The following STK32A variants were observed in gnomAD, a reference collection of about 807,000 sequenced individuals.
STK32A encodes the protein serine/threonine kinase 32A, also known as serine/threonine-protein kinase 32A.
STK32A carries 41 observed loss-of-function variants against 53.2 expected under a neutral mutation model. That is an observed-to-expected ratio of 0.77 (90% CI 0.60 to 1.00). The LOEUF (loss-of-function observed/expected upper bound fraction) is 1.00, where lower values mean the gene tolerates loss of function less well. STK32A is among the 50% of genes least tolerant of loss of function. STK32A has a pLI of 0.00. For synonymous variants in STK32A, 166 were observed against 162.8 expected (o/e 1.02, Z -0.15); for missense variants, 458 against 485.8 (o/e 0.94, Z 0.54).
chr5:147,239,407 CAT>C, intron 1 of STK32A, 130 bp from the exon 2 acceptor site: 1 of 432,116 alleles, frequency 2.3e-6, no homozygotes. Flanking sequence ...ATTCTGAAAT[CAT>C]GGTTGGTTTT....
chr5:147,331,702 A>T (rs550503982), intron 5 of STK32A, among the ~76,000 whole-genome samples: 25 of 152,326 alleles, frequency 1.6e-4, no homozygotes, highest in Non-Finnish European at 3.1e-4. Flanking sequence ...GCCCTAATCC[A>T]GTATGACTGG....
At chr5:147,285,807 G>A (rs192809882) in intron 4 of STK32A, among the ~76,000 whole-genome samples, 27 of 152,248 alleles carry the variant, frequency 1.8e-4, no homozygotes, top group Admixed American at 5.9e-4. Flanking sequence ...TGTTGGCATG[G>A]ATGCAGTGAA....
At chr5:147,354,945 G>A (rs1404723441) in intron 7 of STK32A, among the ~76,000 whole-genome samples, 1 of 152,138 alleles carries the variant, frequency 6.6e-6, no homozygotes, top group Admixed American at 6.5e-5. Flanking sequence ...CTTTTGGATA[G>A]GAGTCTTTCC....
rs933006910 is a variant in STK32A at position 147,235,059 on chromosome 5, G to C, written c.-237G>C. 1.3e-5 allele frequency: 2 copies of C among 154,776 alleles called. No homozygotes were observed. The highest frequency in any genetic ancestry group is 4.8e-5 in the African/African-American group (2 of 41,506). 9.6% of individuals were successfully genotyped at this position (154,776 alleles called of 1,614,324 possible). On this transcript the variant is annotated 5_prime_UTR_variant, in exon 1 of 13. Transcript: ENST00000397936. ...GCAGCCCAGCCCAGCCCAGCCCGGCGCTCGCAGCCTCCGCCGCTTCCGGGC... is the reference window on the plus strand; with the variant it reads ...GCAGCCCAGCCCAGCCCAGCCCGGCCCTCGCAGCCTCCGCCGCTTCCGGGC...
intron 4 of STK32A, among the ~76,000 whole-genome samples, chr5:147,305,994 C>G (rs1753386140): frequency 6.6e-6 from 1 of 151,318 alleles, no homozygotes; most frequent in Non-Finnish European, 1.5e-5. Context: ...AATTAAATCA[C>G]TGGGTCCTAG....
chr5:147,311,846 G>T (rs954888383), intron 4 of STK32A, among the ~76,000 whole-genome samples: 2 of 151,638 alleles, frequency 1.3e-5, no homozygotes, highest in African/African-American at 4.8e-5. Context: ...GCCTTCCAAA[G>T]TGCTACCTTC....
chr5:147,381,801 C>T (rs955111968), intron 11 of STK32A, among the ~76,000 whole-genome samples: 4 of 152,066 alleles, frequency 2.6e-5, no homozygotes, highest in African/African-American at 9.7e-5. Context: ...TCTCTCTTCT[C>T]CTCCTGGGAC....
At chr5:147,239,401 T>C (rs1753467577) in intron 1 of STK32A, 138 bp from the exon 2 acceptor site, 4 of 428,460 alleles carry the variant, frequency 9.3e-6, no homozygotes, top group African/African-American at 2.1e-5. Context: ...GTTTTTATTC[T>C]GAAATCATGG....
In STK32A at chr5:147,339,557, C is replaced by T. The variant is rs549275727; in HGVS notation, c.435-3449C>T. The stretch of plus-strand genomic sequence containing the variant: ...TCTTCCAGACACCAGAATGGTAGCT[C>T]CACCAACAGTTTGCACCATGTGCCT... On this transcript the variant is annotated intron_variant, in intron 5 of 12. Coordinates refer to ENST00000397936, the MANE Select transcript of STK32A (RefSeq NM_001112724.2). Among the ~76,000 whole-genome samples the T allele has an allele frequency of 4.5e-3, 683 of 152,300 alleles. 2 individuals are homozygous for T. Among genetic ancestry groups the T allele is most frequent in the Middle Eastern group, 0.01 (3 of 294 alleles).
At chr5:147,257,871 T>A (rs564369656) in intron 2 of STK32A, among the ~76,000 whole-genome samples, 5 of 152,264 alleles carry the variant, frequency 3.3e-5, no homozygotes, top group South Asian at 2.1e-4. Flanking sequence ...GAAATGGACC[T>A]TTTGTTTTAA....
At chr5:147,333,331 T>C (rs1754965030) in intron 5 of STK32A, among the ~76,000 whole-genome samples, 2 of 152,216 alleles carry the variant, frequency 1.3e-5, no homozygotes, top group South Asian at 4.1e-4. Flanking sequence ...ATGGTATAGA[T>C]ATATATAATG....
At position 147,361,577 on chromosome 5, in the gene STK32A, C is replaced by T; in HGVS notation, c.623C>T (p.Ser208Phe). 1 of 1,613,444 alleles carries T rather than the reference C, an allele frequency of 6.2e-7. No individual in the cohort carries two copies. The highest frequency in any genetic ancestry group is 1.1e-5 in the South Asian group (1 of 90,924). The change falls in exon 8 of 13, where the codon TCC becomes TTC. Residue 208 changes from serine to phenylalanine, a missense_variant. Physicochemically the swap from Ser to Phe is radical, Grantham distance 155. Coordinates refer to ENST00000397936, the MANE Select transcript of STK32A (RefSeq NM_001112724.2). ...AGYSFAVDWWSLGVTAYELLR... is the reference protein window; with the variant it reads ...AGYSFAVDWWFLGVTAYELLR... ...TATTCCTTTGCTGTTGACTGGTGGTCCCTGGGAGTGACGGCATATGAACTG... is the reference window on the plus strand; with the variant it reads ...TATTCCTTTGCTGTTGACTGGTGGTTCCTGGGAGTGACGGCATATGAACTG...
chr5:147,378,992 C>T (rs1259180190), intron 11 of STK32A, among the ~76,000 whole-genome samples: 1 of 151,196 alleles, frequency 6.6e-6, no homozygotes, highest in East Asian at 1.9e-4. Context: ...ATGGGAATAG[C>T]ATTGAATCTA....
At position 147,384,339 on chromosome 5, in the gene STK32A, T is replaced by A; in HGVS notation, c.*356T>A. The A allele has an allele frequency of 6.8e-7, 1 of 1,469,906 alleles. No individual in the cohort carries two copies. Among genetic ancestry groups the A allele is most frequent in the Non-Finnish European group, 9.1e-7 (1 of 1,103,992 alleles). 91.1% of individuals were successfully genotyped at this position (1,469,906 alleles called of 1,614,324 possible). A position where few individuals can be genotyped will look rare whatever the true frequency, so the allele number is the denominator to read the frequency against. ...TTTTATTTTAAAATTAATATATGAATATAGATTTATTTTTCCACTCCTTCT... is the reference window on the plus strand; with the variant it reads ...TTTTATTTTAAAATTAATATATGAAAATAGATTTATTTTTCCACTCCTTCT... On this transcript the variant is annotated 3_prime_UTR_variant, in exon 13 of 13. Transcript: ENST00000397936.
downstream of STK32A, chr5:147,392,145 T>C (rs1757828128): frequency 6.6e-6 from 1 of 152,240 alleles, no homozygotes; most frequent in Non-Finnish European, 1.5e-5. Flanking sequence ...AAAACTGTTA[T>C]TCTTAGTTCT....
intron 5 of STK32A, among the ~76,000 whole-genome samples, chr5:147,332,195 G>A (rs1465901873): frequency 6.6e-6 from 1 of 152,132 alleles, no homozygotes; most frequent in Admixed American, 6.5e-5. Flanking sequence ...AAACTTGTTT[G>A]TATTGTTTGT....
the STK32A span, among the ~76,000 whole-genome samples, chr5:147,396,800 C>T: frequency 2.0e-5 from 3 of 151,266 alleles, no homozygotes; most frequent in Admixed American, 2.0e-4. Context: ...ATTCCACAAT[C>T]CTAGGGTAGG....
intron 2 of STK32A, among the ~76,000 whole-genome samples, chr5:147,250,257 C>A (rs1178337462): frequency 6.6e-6 from 1 of 151,916 alleles, no homozygotes; most frequent in African/African-American, 2.4e-5. Context: ...AATGATGGTG[C>A]CAAGTAGGAG....
At chr5:147,312,660 A>G (rs1301435006) in intron 4 of STK32A, among the ~76,000 whole-genome samples, 6 of 152,202 alleles carry the variant, frequency 3.9e-5, no homozygotes, top group Non-Finnish European at 8.8e-5. Flanking sequence ...TATTTTATAA[A>G]TTCCAAAGCT....
Sources: gnomAD v4.1 joint callset for allele counts (sites outside exome capture counted in the v4.1 genomes callset) on GRCh38, gnomAD v4.1.1 for gene constraint, MANE v1.5 for transcripts, NCBI Gene and HGNC (gene_info 2026-07-23, HGNC 2026-07-21) for gene names.